The following FRMD4A variants were observed in gnomAD, a reference collection of about 807,000 sequenced individuals.
FRMD4A encodes FERM domain containing 4A.
A neutral mutation model predicts 129.1 loss-of-function variants in FRMD4A; 29 were observed. That is an observed-to-expected ratio of 0.22 (90% CI 0.17 to 0.31). The LOEUF (loss-of-function observed/expected upper bound fraction) is 0.31. Among genes scored for constraint, FRMD4A ranks in the 10% least tolerant of loss-of-function variants. The pLI, the probability that FRMD4A is intolerant of heterozygous loss-of-function variation, is 1.00. For missense variants in FRMD4A, 1,272 were observed against 1,375.8 expected (o/e 0.92, Z 1.19); for synonymous variants, 634 against 571.6 (o/e 1.11, Z -1.56).
chr10:13,905,968 A>G (rs1011707025), intron 2 of FRMD4A, among the ~76,000 whole-genome samples: 9 of 152,132 alleles, frequency 5.9e-5, no homozygotes, highest in Non-Finnish European at 1.3e-4. Context: ...CATTTCTGCC[A>G]CCCCTTGAAA....
intron 2 of FRMD4A, among the ~76,000 whole-genome samples, chr10:13,867,260 T>A (rs943470741): frequency 4.6e-5 from 7 of 152,204 alleles, no homozygotes; most frequent in African/African-American, 1.7e-4. Flanking sequence ...TTGTTTGTTT[T>A]TTTGTTTTAT....
At chr10:13,938,328 G>GC (rs1166497724) in intron 2 of FRMD4A, among the ~76,000 whole-genome samples, 3 of 151,948 alleles carry the variant, frequency 2.0e-5, no homozygotes, top group Admixed American at 2.0e-4. Context: ...TGAAACCTCT[G>GC]CCCCCCGGGT....
chr10:13,974,019 CT>C lies in FRMD4A; in HGVS notation c.46-115108del, dbSNP rs66523920. ...AATTATGGACTGGATAGGGACAGTT[CT>C]TTTTTTTTTTTTTTTTTTTCTTTCT... On this transcript the variant is annotated intron_variant, in intron 2 of 24. Transcript: ENST00000357447. 8.7e-3 allele frequency among the ~76,000 whole-genome samples: 838 copies of C among 96,634 alleles called. 6 individuals are homozygous for C. Among genetic ancestry groups the C allele is most frequent in the African/African-American group, 0.019 (503 of 26,296 alleles). The allele number at this position is 96,634 out of a possible 152,430, so 63.4% of individuals were successfully genotyped here.
intron 2 of FRMD4A, among the ~76,000 whole-genome samples, chr10:13,935,213 G>A (rs960465790): frequency 5.3e-4 from 81 of 152,038 alleles, no homozygotes; most frequent in East Asian, 3.9e-4. Context: ...CTGAGCAGGC[G>A]GATCACCTGA....
At chr10:13,682,727 C>A (rs556146302) in intron 15 of FRMD4A, among the ~76,000 whole-genome samples, 61 of 152,062 alleles carry the variant, frequency 4.0e-4, no homozygotes, top group Non-Finnish European at 6.8e-4. Context: ...TCAGGTTGGT[C>A]TTGAACTCCT....
chr10:13,654,773 C>A, intron 22 of FRMD4A: 2 of 512,514 alleles, frequency 3.9e-6, no homozygotes, highest in South Asian at 6.4e-5. Context: ...CTGAGTCAAG[C>A]TGACCTGGGA....
rs570392106 is a variant in FRMD4A, at chr10:13,691,787, C to G, written c.1117+2111G>C. ...TAGATGCAGCCTCTCTCATCTGACA[C>G]TGGGTTTTCACAGGGTTAGGAAAAA... On this transcript the variant is annotated intron_variant, in intron 15 of 24. Transcript: ENST00000357447. Among the ~76,000 whole-genome samples, 284 of 152,272 alleles carry G rather than the reference C, an allele frequency of 1.9e-3. 10 individuals carry two copies. The South Asian group carries it at 0.058, about 31-fold the overall frequency.
chr10:13,942,788 C>A (rs572351054), intron 2 of FRMD4A, among the ~76,000 whole-genome samples: 1 of 152,052 alleles, frequency 6.6e-6, no homozygotes, highest in Non-Finnish European at 1.5e-5. Flanking sequence ...CAAAAATTAG[C>A]TGGGCGTGGT....
chr10:13,930,197 C>T (rs2095177218), intron 2 of FRMD4A, among the ~76,000 whole-genome samples: 1 of 152,180 alleles, frequency 6.6e-6, no homozygotes, highest in Non-Finnish European at 1.5e-5. Flanking sequence ...CTTGCAATCC[C>T]CATAGGCTCA....
Position 14,150,797 on chromosome 10 carries a change from C to T in FRMD4A, c.45+179261G>A, listed in dbSNP as rs116338494. ...ACCACACATTTCCATTTTCCTCCCG[C>T]TCCTCTCCCAATGAGCATTAGCTAA... On this transcript the variant is annotated intron_variant, in intron 2 of 24. Transcript: ENST00000357447. 4.2e-3 allele frequency among the ~76,000 whole-genome samples: 635 copies of T among 152,318 alleles called. 1 individual carries two copies. Among genetic ancestry groups the T allele is most frequent in the African/African-American group, 0.015 (604 of 41,574 alleles).
chr10:13,908,979 G>C (rs889172441), intron 2 of FRMD4A, among the ~76,000 whole-genome samples: 1 of 152,188 alleles, frequency 6.6e-6, no homozygotes, highest in Admixed American at 6.5e-5. Context: ...TTCTCAGTGA[G>C]GCCATCGCTG....
chr10:13,931,966 C>G (rs974565167), intron 2 of FRMD4A, among the ~76,000 whole-genome samples: 1 of 151,752 alleles, frequency 6.6e-6, no homozygotes, highest in African/African-American at 2.4e-5. Context: ...AACCAACCAA[C>G]CAACCAACCA....
intron 15 of FRMD4A, chr10:13,685,270 G>A: frequency 1.0e-6 from 1 of 985,120 alleles, no homozygotes; most frequent in Non-Finnish European, 1.2e-6. Context: ...TTTGATGGTG[G>A]CTGGGAGTCT....
intron 16 of FRMD4A, among the ~76,000 whole-genome samples, chr10:13,672,588 C>G (rs1183034430): frequency 6.6e-6 from 1 of 152,126 alleles, no homozygotes; most frequent in African/African-American, 2.4e-5. Flanking sequence ...GAGTCGAAGT[C>G]TTGATTCTCC....
chr10:14,095,983 T>C (rs1836936480), intron 2 of FRMD4A, among the ~76,000 whole-genome samples: 1 of 152,248 alleles, frequency 6.6e-6, no homozygotes, highest in Non-Finnish European at 1.5e-5. Flanking sequence ...GGATCATATG[T>C]GCCCAGTTGT....
At chr10:14,218,617 G>A (rs979786776) in intron 2 of FRMD4A, among the ~76,000 whole-genome samples, 1 of 152,118 alleles carries the variant, frequency 6.6e-6, no homozygotes, top group African/African-American at 2.4e-5. Flanking sequence ...ACTTTGGGAG[G>A]CCCAGGTGCG....
At chr10:14,039,629 G>A (rs1024052384) in intron 2 of FRMD4A, among the ~76,000 whole-genome samples, 1 of 152,126 alleles carries the variant, frequency 6.6e-6, no homozygotes, top group Admixed American at 6.6e-5. Flanking sequence ...TGCTCACTGA[G>A]ATAAATGCAT....
chr10:14,171,924 G>T (rs1841496313), intron 2 of FRMD4A, among the ~76,000 whole-genome samples: 1 of 152,212 alleles, frequency 6.6e-6, no homozygotes, highest in Non-Finnish European at 1.5e-5. Flanking sequence ...CAAAGTTTAA[G>T]TATGGCAACC....
chr10:14,115,301 A>G (rs1471117377), intron 2 of FRMD4A, among the ~76,000 whole-genome samples: 21 of 152,232 alleles, frequency 1.4e-4, no homozygotes, highest in Non-Finnish European at 2.9e-5. Flanking sequence ...CTTGATCACA[A>G]CTAATGCAAA....
Sources: gnomAD v4.1 joint callset for allele counts (sites outside exome capture counted in the v4.1 genomes callset) on GRCh38, gnomAD v4.1.1 for gene constraint, MANE v1.5 for transcripts, NCBI Gene and HGNC (gene_info 2026-07-23, HGNC 2026-07-21) for gene names.